Variants in WASF3 observed in about 807,000 individuals in gnomAD.
WASF3 encodes actin-binding protein WASF3.
In WASF3, 11 loss-of-function variants were observed where a neutral mutation model predicts 46.6. The ratio of observed to expected loss-of-function variants is 0.24; its 90% CI spans 0.15 to 0.39. WASF3 has a LOEUF of 0.39. Ranked by LOEUF, WASF3 falls within the 10% of genes least tolerant of loss-of-function variation. WASF3 has a pLI of 1.00. For missense variants in WASF3, 576 were observed against 669.8 expected, an observed-to-expected ratio of 0.86 and a Z score of 1.55; for synonymous variants, 242 against 259.7, an observed-to-expected ratio of 0.93 and a Z score of 0.65.
At chr13:26,653,592 C>G (rs1330494306) in intron 3 of WASF3, among the ~76,000 whole-genome samples, 1 of 152,186 alleles carries the variant, frequency 6.6e-6, no homozygotes, top group Non-Finnish European at 1.5e-5. Flanking sequence ...TGGAGAAACT[C>G]TCTTCACCTG....
chr13:26,569,151 G>T (rs1349737789), intron 1 of WASF3, among the ~76,000 whole-genome samples: 1 of 152,124 alleles, frequency 6.6e-6, no homozygotes, highest in African/African-American at 2.4e-5. Flanking sequence ...AAAAGAAGTA[G>T]GGAGAGAAAA....
chr13:26,582,441 C>T (rs1268384138), intron 1 of WASF3, among the ~76,000 whole-genome samples: 4 of 151,892 alleles, frequency 2.6e-5, no homozygotes, highest in African/African-American at 9.7e-5. Context: ...TTTGGGAGGC[C>T]GAGGTGGGCG....
rs577365177 is a variant in WASF3 at position 26,679,085 on chromosome 13, C to T, written c.717-1969C>T. ...CCGGCCCTCCCAGTCCTCTTCCTCCCGTGTCAGTGTCGCCTCTGGCCCTCC... is the reference window on the plus strand; with the variant it reads ...CCGGCCCTCCCAGTCCTCTTCCTCCTGTGTCAGTGTCGCCTCTGGCCCTCC... On this transcript the variant is annotated intron_variant, in intron 7 of 9. Coordinates refer to ENST00000335327, the MANE Select transcript of WASF3 (RefSeq NM_006646.6). This position sits in a 1 kb window ranked among gnomAD's most constrained non-coding sequence, Gnocchi z 4.8. Among the ~76,000 whole-genome samples the T allele has an allele frequency of 6.6e-5, 10 of 152,082 alleles. 1 individual carries two copies. In the Middle Eastern group the frequency reaches 0.01, roughly 155 times the overall value.
intron 3 of WASF3, among the ~76,000 whole-genome samples, chr13:26,647,154 A>G (rs1383939322): frequency 6.6e-6 from 1 of 152,226 alleles, no homozygotes; most frequent in African/African-American, 2.4e-5. Flanking sequence ...TGAATTTGGT[A>G]ACAGTCATAG....
chr13:26,629,047 T>C (rs1881568335), intron 2 of WASF3, among the ~76,000 whole-genome samples: 1 of 152,236 alleles, frequency 6.6e-6, no homozygotes, highest in Admixed American at 6.5e-5. Flanking sequence ...TGGTTTGATA[T>C]GTGATGTGAC....
intron 2 of WASF3, among the ~76,000 whole-genome samples, chr13:26,624,779 A>G (rs1426918758): frequency 2.0e-5 from 3 of 152,236 alleles, no homozygotes; most frequent in Non-Finnish European, 2.9e-5. Flanking sequence ...AAGGGTAAGA[A>G]TAACAGCAGA....
chr13:26,661,825 T>G (rs1245283138), intron 3 of WASF3, among the ~76,000 whole-genome samples: 2 of 152,130 alleles, frequency 1.3e-5, no homozygotes, highest in African/African-American at 4.8e-5. Flanking sequence ...TGAGAGGTGG[T>G]GGTGAGAGGG....
intron 1 of WASF3, among the ~76,000 whole-genome samples, chr13:26,589,009 G>A (rs1202148376): frequency 6.6e-6 from 1 of 151,976 alleles, no homozygotes; most frequent in Non-Finnish European, 1.5e-5. Context: ...GCCGAGGCTA[G>A]TCTCAAACTC....
the WASF3 span, among the ~76,000 whole-genome samples, chr13:26,546,457 C>T: frequency 6.6e-6 from 1 of 152,218 alleles, no homozygotes; most frequent in Non-Finnish European, 1.5e-5. Flanking sequence ...AATCCCAGTT[C>T]TTTGGGAGGC....
chr13:26,591,596 G>A (rs574908), intron 1 of WASF3, among the ~76,000 whole-genome samples: 2,081 of 152,214 alleles, frequency 0.014, 53 homozygotes, highest in African/African-American at 0.047. Flanking sequence ...GCTGGGGAAC[G>A]TCAGGAGTTC....
rs1438541618 is a variant in WASF3 at position 26,688,783 on chromosome 13, G to A, written c.*2938G>A. 6.6e-6 allele frequency: 1 copy of A among 152,098 alleles called. No homozygotes were observed. Among genetic ancestry groups the A allele is most frequent in the Admixed American group, 6.6e-5 (1 of 15,266 alleles). The allele number at this position is 152,098 out of a possible 1,614,324, so 9.4% of individuals were successfully genotyped here. On this transcript the variant is annotated 3_prime_UTR_variant, in exon 10 of 10. Transcript: ENST00000335327. Reference sequence around the variant, plus strand: ...TTTTGTTTTATAAATCATAGTATCTGTCATCTTGCAGTATTACCAATGCTG... The same window carrying A: ...TTTTGTTTTATAAATCATAGTATCTATCATCTTGCAGTATTACCAATGCTG...
intron 9 of WASF3, among the ~76,000 whole-genome samples, chr13:26,684,691 C>T (rs778791244): frequency 6.6e-6 from 1 of 152,090 alleles, no homozygotes; most frequent in Non-Finnish European, 1.5e-5. Context: ...CATTATATGC[C>T]ATTCACTCTC....
chr13:26,675,817 A>G (rs1158567209), intron 6 of WASF3, among the ~76,000 whole-genome samples: 1 of 152,198 alleles, frequency 6.6e-6, no homozygotes. Context: ...TTGAGATACC[A>G]TAAGACAAGA....
chr13:26,684,171 C>A (rs1883330377), intron 9 of WASF3, among the ~76,000 whole-genome samples: 1 of 152,120 alleles, frequency 6.6e-6, no homozygotes, highest in African/African-American at 2.4e-5. Context: ...TGTACCTGGA[C>A]ATCATTGACA....
chr13:26,545,439 G>A, the WASF3 span, among the ~76,000 whole-genome samples: 1 of 151,546 alleles, frequency 6.6e-6, no homozygotes, highest in African/African-American at 2.4e-5. Flanking sequence ...AATGCCTTCT[G>A]GCTTTATATT....
upstream of WASF3, among the ~76,000 whole-genome samples, chr13:26,553,876 T>C (rs1160018621): frequency 1.3e-5 from 2 of 151,880 alleles, no homozygotes; most frequent in African/African-American, 4.8e-5. Context: ...AATGTGGCCT[T>C]GTGTAATTGG....
Position 26,681,470 on chromosome 13 carries a change from T to G in WASF3, c.983+150T>G, listed in dbSNP as rs116458610. ...AGATACTAGCAACTCTAACATTCTG[T>G]GTGAAATAAAGCAGGTGCAGCATAA... On this transcript the variant is annotated intron_variant, in intron 8 of 9. Coordinates refer to ENST00000335327, the MANE Select transcript of WASF3 (RefSeq NM_006646.6). 528 of 1,021,190 alleles carry G rather than the reference T, an allele frequency of 5.2e-4. No homozygotes were observed. In the African/African-American group the frequency reaches 6.7e-3, roughly 13 times the overall value. 63.3% of individuals were successfully genotyped at this position (1,021,190 alleles called of 1,614,324 possible).
intron 2 of WASF3, among the ~76,000 whole-genome samples, chr13:26,639,247 CTT>C (rs1566059534): frequency 6.6e-6 from 1 of 152,170 alleles, no homozygotes; most frequent in Non-Finnish European, 1.5e-5. Context: ...GCCTCTCTCT[CTT>C]GTCTTTTGTA....
At chr13:26,559,107 C>T (rs371965978) in intron 1 of WASF3, among the ~76,000 whole-genome samples, 4 of 152,300 alleles carry the variant, frequency 2.6e-5, no homozygotes, top group African/African-American at 9.6e-5. Flanking sequence ...GTTAAACAAA[C>T]GAAAGCTGGG....
Sources: gnomAD v4.1 joint callset for allele counts (sites outside exome capture counted in the v4.1 genomes callset) on GRCh38, gnomAD v4.1.1 for gene constraint, Gnocchi (gnomAD v3.1) non-coding constraint, MANE v1.5 for transcripts, NCBI Gene and HGNC (gene_info 2026-07-23, HGNC 2026-07-21) for gene names.